SH2D4B: variants seen among roughly 807,000 people sequenced by gnomAD.
The protein encoded by SH2D4B is SH2 domain containing 4B.
In SH2D4B, 45 loss-of-function variants were observed where a neutral mutation model predicts 61.5. The ratio of observed to expected loss-of-function variants is 0.73; its 90% CI spans 0.58 to 0.94. SH2D4B has a LOEUF of 0.94. Ranked by LOEUF, SH2D4B falls within the 40% of genes least tolerant of loss-of-function variation. The pLI, the probability that SH2D4B is intolerant of heterozygous loss-of-function variation, is 0.00. For synonymous variants in SH2D4B, 224 were observed against 220.4 expected, an observed-to-expected ratio of 1.02 and a Z score of -0.14; for missense variants, 572 against 574.2, an observed-to-expected ratio of 1.00 and a Z score of 0.04.
intron 5 of SH2D4B, among the ~76,000 whole-genome samples, chr10:80,608,905 TC>T (rs1177623808): frequency 6.6e-6 from 1 of 151,942 alleles, no homozygotes; most frequent in African/African-American, 2.4e-5. Context: ...CAGGCAGGCG[TC>T]CCCTCAGAGG....
chr10:80,606,079 TC>T (rs1225037920), intron 5 of SH2D4B, among the ~76,000 whole-genome samples: 1 of 151,996 alleles, frequency 6.6e-6, no homozygotes, highest in African/African-American at 2.4e-5. Context: ...CCAGCCTCTC[TC>T]CTATAGCCGC....
rs1355393022 is a variant in SH2D4B, at chr10:80,572,656, G to A, written c.495+1078G>A. Among the ~76,000 whole-genome samples, 4 of 151,260 alleles carry A rather than the reference G, an allele frequency of 2.6e-5. 1 individual carries two copies. The South Asian group carries it at 6.4e-4, about 24-fold the overall frequency. Reference sequence around the variant, plus strand: ...CTTTTTTGAGACGGAGTCTTGCTTTGTTGCCCAGGCTGGAGTTCAATGGCG... The same window carrying A: ...CTTTTTTGAGACGGAGTCTTGCTTTATTGCCCAGGCTGGAGTTCAATGGCG... On this transcript the variant is annotated intron_variant, in intron 3 of 7. Coordinates refer to ENST00000646907, the MANE Select transcript of SH2D4B (RefSeq NM_001388272.1).
intron 4 of SH2D4B, among the ~76,000 whole-genome samples, chr10:80,602,587 CCACA>C (rs1326946086): frequency 1.3e-5 from 2 of 152,138 alleles, no homozygotes; most frequent in Admixed American, 1.3e-4. Context: ...CCCTCCCTGC[CCACA>C]CAGTCACCTA....
chr10:80,634,483 CG>C lies in SH2D4B; in HGVS notation c.1189del (p.Asp397IlefsTer112), dbSNP rs1005857235. The C allele has an allele frequency of 5.3e-5, 82 of 1,550,262 alleles. No individual in the cohort carries two copies. In the African/African-American group the frequency reaches 1.0e-3, roughly 20 times the overall value. ...GACCCCAATCGCCATGCAACGCTCA[CG>C]GATCTCGTTGATTTCCATAAGGTAT... ...GVDPNRHATL[T>X]DLVDFHKEEI... On this transcript the variant is annotated frameshift_variant, in exon 7 of 8. Coordinates refer to ENST00000646907, the MANE Select transcript of SH2D4B (RefSeq NM_001388272.1). LOFTEE classifies it high-confidence loss of function.
intron 3 of SH2D4B, among the ~76,000 whole-genome samples, chr10:80,575,060 C>T (rs1478993998): frequency 2.0e-5 from 3 of 150,210 alleles, no homozygotes; most frequent in African/African-American, 7.4e-5. Flanking sequence ...CAGTATGTAC[C>T]CTCCACACAT....
intron 6 of SH2D4B, 83 bp downstream of exon 6, chr10:80,609,634 C>T (rs1339660065): frequency 6.3e-7 from 1 of 1,585,632 alleles, no homozygotes; most frequent in East Asian, 2.2e-5. Context: ...TGCTGAAGGA[C>T]AGTTATAATC....
intron 7 of SH2D4B, 118 bp downstream of exon 7, chr10:80,634,623 C>T (rs1226388160): frequency 1.4e-6 from 2 of 1,421,546 alleles, no homozygotes; most frequent in South Asian, 1.4e-5. Context: ...GCTGGAGGGT[C>T]TCAGAGATGT....
Position 80,538,357 on chromosome 10 carries a change from T to C in SH2D4B, c.26T>C (p.Met9Thr). Reference sequence around the variant, plus strand: ...ATGCTGCAGCAGATCCTGCACGACATGTACATCGACCCCGAGCTCCTTGCC... The same window carrying C: ...ATGCTGCAGCAGATCCTGCACGACACGTACATCGACCCCGAGCTCCTTGCC... Reference protein sequence around the residue: MLQQILHDMYIDPELLAEL... With the variant: MLQQILHDTYIDPELLAEL... Residue 9 changes from methionine (M) to threonine (T), a missense_variant, in exon 1 of 8, where the codon ATG becomes ACG. Coordinates refer to ENST00000646907, the MANE Select transcript of SH2D4B (RefSeq NM_001388272.1). This position sits in a 1 kb window ranked among gnomAD's most constrained non-coding sequence, Gnocchi z 4.8. 3 of 1,383,196 alleles carry C rather than the reference T, an allele frequency of 2.2e-6. No homozygotes were observed. The highest frequency in any genetic ancestry group is 2.8e-6 in the Non-Finnish European group (3 of 1,061,942). The allele number at this position is 1,383,196 out of a possible 1,614,324, so 85.7% of individuals were successfully genotyped here.
chr10:80,571,603 C>A (rs372846849), intron 3 of SH2D4B, 25 bp downstream of exon 3: 67 of 1,610,822 alleles, frequency 4.2e-5, no homozygotes, highest in Non-Finnish European at 5.6e-5. Flanking sequence ...GGGGCCCCTG[C>A]GTGCGGCCAC....
At position 80,585,493 on chromosome 10, in the gene SH2D4B, C is replaced by T. The variant is rs190930697; in HGVS notation, c.496-3137C>T. On this transcript the variant is annotated intron_variant, in intron 3 of 7. Coordinates refer to ENST00000646907, the MANE Select transcript of SH2D4B (RefSeq NM_001388272.1). ...CCATGCCCGACTAATTTTTGTATTT[C>T]TTAGTAGAGACGGGGTTTCACCATG... Among the ~76,000 whole-genome samples, 593 of 152,030 alleles carry T rather than the reference C, an allele frequency of 3.9e-3. 2 individuals are homozygous for T. The highest frequency in any genetic ancestry group is 0.024 in the Middle Eastern group (7 of 294).
chr10:80,618,863 G>C (rs1396800362), intron 6 of SH2D4B, among the ~76,000 whole-genome samples: 1 of 152,142 alleles, frequency 6.6e-6, no homozygotes, highest in East Asian at 1.9e-4. Context: ...AATAATTTCA[G>C]GGAACGGAAT....
chr10:80,583,054 T>A (rs950190194), intron 3 of SH2D4B, among the ~76,000 whole-genome samples: 1 of 152,190 alleles, frequency 6.6e-6, no homozygotes, highest in Admixed American at 6.5e-5. Flanking sequence ...CTCTCTTGAA[T>A]ATGAATAGTC....
intron 6 of SH2D4B, among the ~76,000 whole-genome samples, chr10:80,612,241 G>A (rs528547589): frequency 3.4e-5 from 5 of 147,382 alleles, no homozygotes; most frequent in African/African-American, 1.3e-4. Flanking sequence ...GGAACAGTGA[G>A]TGTGTTCCCA....
chr10:80,625,489 TTGTAA>T (rs1015740675), intron 6 of SH2D4B, among the ~76,000 whole-genome samples: 2 of 152,206 alleles, frequency 1.3e-5, no homozygotes, highest in Admixed American at 1.3e-4. Flanking sequence ...ATGTAAATAG[TTGTAA>T]TGTATTCTTT....
chr10:80,554,619 T>G (rs1841803768), intron 1 of SH2D4B, among the ~76,000 whole-genome samples: 1 of 152,158 alleles, frequency 6.6e-6, no homozygotes, highest in Non-Finnish European at 1.5e-5. Context: ...ATCTCCATTT[T>G]TTTGCTCTTA....
At position 80,605,010 on chromosome 10, in the gene SH2D4B, G is replaced by A. The variant is rs372702352; in HGVS notation, c.860+1215G>A. 6.2e-3 allele frequency among the ~76,000 whole-genome samples: 941 copies of A among 152,224 alleles called. 8 individuals carry two copies. Among genetic ancestry groups the A allele is most frequent in the Middle Eastern group, 0.017 (5 of 292 alleles). On this transcript the variant is annotated intron_variant, in intron 5 of 7. Transcript: ENST00000646907. Reference sequence around the variant, plus strand: ...GGGTTTCACTGTGTTAGCCAGGATGGTCTCGATTTCCTGACCTTGTGATCT... The same window carrying A: ...GGGTTTCACTGTGTTAGCCAGGATGATCTCGATTTCCTGACCTTGTGATCT...
chr10:80,634,482 A>C lies in SH2D4B; in HGVS notation c.1186A>C (p.Thr396Pro). The C allele has an allele frequency of 6.5e-7, 1 of 1,550,040 alleles. No individual in the cohort carries two copies. Among genetic ancestry groups the C allele is most frequent in the Non-Finnish European group, 8.7e-7 (1 of 1,146,840 alleles). The change falls in exon 7 of 8, where the codon ACG becomes CCG. Residue 396 changes from threonine (T) to proline (P), a missense_variant. Thr to Pro is a conservative substitution (Grantham distance 38). Transcript: ENST00000646907. ...GGACCCCAATCGCCATGCAACGCTC[A>C]CGGATCTCGTTGATTTCCATAAGGT... is the stretch of plus-strand genomic sequence containing the variant. Reference protein sequence around the residue: ...GVDPNRHATLTDLVDFHKEEI... With the variant: ...GVDPNRHATLPDLVDFHKEEI...
In SH2D4B at chr10:80,646,007, CTA is replaced by C. The variant is rs989859468; in HGVS notation, c.*1924_*1925del. The C allele has an allele frequency of 2.2e-4, 34 of 152,408 alleles. No individual in the cohort carries two copies. The highest frequency in any genetic ancestry group is 7.5e-4 in the African/African-American group (31 of 41,450). The allele number at this position is 152,408 out of a possible 1,614,324, so 9.4% of individuals were successfully genotyped here. On this transcript the variant is annotated 3_prime_UTR_variant, in exon 8 of 8. Transcript: ENST00000646907. ...TAGTTTTGGCTCTCTGATTTACCAA[CTA>C]TGTGACTTTGTCCAAGTCATTTAAC...
At chr10:80,553,154 G>A (rs1443329115) in intron 1 of SH2D4B, among the ~76,000 whole-genome samples, 1 of 152,192 alleles carries the variant, frequency 6.6e-6, no homozygotes, top group Non-Finnish European at 1.5e-5. Flanking sequence ...CTGACCTCAG[G>A]TGATCCACCC....
Sources: allele counts gnomAD v4.1 joint callset (sites outside exome capture counted in the v4.1 genomes callset), GRCh38; gene constraint gnomAD v4.1.1; non-coding constraint Gnocchi (gnomAD v3.1); transcripts MANE v1.5; gene names NCBI Gene and HGNC (gene_info 2026-07-23, HGNC 2026-07-21).